B4GALNT3: variants seen among roughly 807,000 people sequenced by gnomAD.
B4GALNT3 encodes beta-1,4-N-acetylgalactosaminyltransferase 3.
Under a neutral mutation model 120.2 loss-of-function variants are expected in B4GALNT3, and 86 were observed. The ratio of observed to expected loss-of-function variants is 0.72; its 90% CI spans 0.60 to 0.86. B4GALNT3 has a LOEUF of 0.86. Among genes scored for constraint, B4GALNT3 ranks in the 40% least tolerant of loss-of-function variants. The pLI is 0.00. For synonymous variants in B4GALNT3, 518 were observed against 510.4 expected (o/e 1.01, Z -0.20); for missense variants, 1,167 against 1,298.9 (o/e 0.90, Z 1.56).
chr12:538,706 A>G (rs1487772221), intron 3 of B4GALNT3, among the ~76,000 whole-genome samples: 2 of 152,142 alleles, frequency 1.3e-5, no homozygotes, highest in Non-Finnish European at 2.9e-5. Context: ...TCAGGGGTTC[A>G]CTGATCCAAT....
chr12:500,790 A>G (rs148019363), intron 1 of B4GALNT3, among the ~76,000 whole-genome samples: 2,876 of 149,626 alleles, frequency 0.019, 37 homozygotes, highest in Middle Eastern at 0.044. Flanking sequence ...TCAGTGCTCA[A>G]TGCCCGTATT....
chr12:502,889 G>A (rs1225415582), intron 1 of B4GALNT3, among the ~76,000 whole-genome samples: 2 of 152,070 alleles, frequency 1.3e-5, no homozygotes, highest in Non-Finnish European at 2.9e-5. Flanking sequence ...GAGTAGCTGG[G>A]ACTACAGGCG....
chr12:505,493 C>G lies in B4GALNT3; in HGVS notation c.170-29673C>G, dbSNP rs181304615. On this transcript the variant is annotated intron_variant, in intron 1 of 19. Coordinates refer to ENST00000266383, the MANE Select transcript of B4GALNT3 (RefSeq NM_173593.4). ...CCCAGCCATTTGAACCCTGATCCAT[C>G]TTGGATTGGAGAATTGCTTTGGAGA... 3.7e-4 allele frequency among the ~76,000 whole-genome samples: 57 copies of G among 152,320 alleles called. No homozygotes were observed. In the Middle Eastern group the frequency reaches 0.01, roughly 27 times the overall value.
intron 1 of B4GALNT3, among the ~76,000 whole-genome samples, chr12:484,202 A>G (rs1312872302): frequency 3.3e-5 from 5 of 152,156 alleles, no homozygotes; most frequent in Non-Finnish European, 7.3e-5. Flanking sequence ...CCCTGCTCTT[A>G]GCATCCTCCA....
At chr12:491,794 G>T (rs1052354546) in intron 1 of B4GALNT3, among the ~76,000 whole-genome samples, 4 of 151,678 alleles carry the variant, frequency 2.6e-5, no homozygotes, top group Non-Finnish European at 4.4e-5. Context: ...GGTGGCTTAC[G>T]CCTGTAATCC....
At chr12:556,074 CA>C (rs1565612057) in intron 14 of B4GALNT3, among the ~76,000 whole-genome samples, 49 of 152,136 alleles carry the variant, frequency 3.2e-4, no homozygotes, top group East Asian at 1.9e-4. Context: ...TGAGCCACTG[CA>C]CCTGGCATTG....
intron 1 of B4GALNT3, among the ~76,000 whole-genome samples, chr12:489,579 T>C (rs911286826): frequency 7.2e-5 from 11 of 152,200 alleles, no homozygotes; most frequent in African/African-American, 1.9e-4. Context: ...AAGACTCATA[T>C]AGATTAAACG....
chr12:466,523 T>C (rs900564027), intron 1 of B4GALNT3, among the ~76,000 whole-genome samples: 3 of 152,226 alleles, frequency 2.0e-5, no homozygotes, highest in Non-Finnish European at 1.5e-5. Flanking sequence ...GACCTTGTGA[T>C]TCACATAATT....
rs202035977 is a variant in B4GALNT3 at position 553,651 on chromosome 12, C to G, written c.1728C>G (p.Asp576Glu). 3 of 1,613,988 alleles carry G rather than the reference C, an allele frequency of 1.9e-6. No individual in the cohort carries two copies. Among genetic ancestry groups the G allele is most frequent in the Non-Finnish European group, 2.5e-6 (3 of 1,179,914 alleles). ...ACATCGCAGAGCAGAGACGGGGTGA[C>G]AGGATGCGGCCTCAGGCCCCTGGAA... is the stretch of plus-strand genomic sequence containing the variant. ...ESYIAEQRRG[D>E]RMRPQAPGRG... The change falls in exon 14 of 20, where the codon GAC becomes GAG. Residue 576 changes from aspartate (D) to glutamate (E), a missense_variant. This residue lies in a region of B4GALNT3 where 983 missense variants were observed against 1,102.5 expected (regional missense o/e 0.89). Coordinates refer to ENST00000266383, the MANE Select transcript of B4GALNT3 (RefSeq NM_173593.4).
Position 550,745 on chromosome 12 carries a change from C to A in B4GALNT3, c.998-177C>A, listed in dbSNP as rs1324732454. Among the ~76,000 whole-genome samples the A allele has an allele frequency of 6.6e-6, 1 of 152,216 alleles. No individual in the cohort carries two copies. Among genetic ancestry groups the A allele is most frequent in the East Asian group, 1.9e-4 (1 of 5,196 alleles). On this transcript the variant is annotated intron_variant, in intron 10 of 19. Transcript: ENST00000266383. The surrounding 1 kb of genome is among the most constrained non-coding windows in gnomAD (Gnocchi z 4.1). ...AGTCCTCTGCTGCCAGGGTGCTCCT[C>A]AAATGGCCCTGCTCCAGGTGCGTGG...
intron 19 of B4GALNT3, among the ~76,000 whole-genome samples, chr12:560,294 A>G (rs752811492): frequency 3.9e-5 from 6 of 152,116 alleles, no homozygotes; most frequent in Non-Finnish European, 7.4e-5. Flanking sequence ...AGACACGCTC[A>G]CTTCTTCCCG....
chr12:557,745 A>T lies in B4GALNT3; in HGVS notation c.2518A>T (p.Arg840Trp). The T allele has an allele frequency of 6.2e-7, 1 of 1,602,206 alleles. No individual in the cohort carries two copies. Among genetic ancestry groups the T allele is most frequent in the Non-Finnish European group, 8.5e-7 (1 of 1,176,570 alleles). Residue 840 changes from arginine (R) to tryptophan (W), a missense_variant, in exon 16 of 20, where the codon AGG (arginine) becomes TGG (tryptophan). Physicochemically the swap from Arg to Trp is moderately radical, Grantham distance 101. Coordinates refer to ENST00000266383, the MANE Select transcript of B4GALNT3 (RefSeq NM_173593.4). ...CATGGATGTTGAGATGGCACTGAAGAGGTCCAAGCTGCGGAGGTGAGGGGG... is the reference window on the plus strand; with the variant it reads ...CATGGATGTTGAGATGGCACTGAAGTGGTCCAAGCTGCGGAGGTGAGGGGG... ...EDMDVEMALK[R>W]SKLRSYQYVK... is the part of the protein sequence containing the mutation.
At chr12:531,347 C>G (rs1256591508) in intron 1 of B4GALNT3, among the ~76,000 whole-genome samples, 1 of 152,154 alleles carries the variant, frequency 6.6e-6, no homozygotes, top group South Asian at 2.1e-4. Context: ...GCTTACTACT[C>G]TGGTCAATAA....
chr12:524,419 T>C (rs1363299698), intron 1 of B4GALNT3, among the ~76,000 whole-genome samples: 1 of 152,196 alleles, frequency 6.6e-6, no homozygotes, highest in African/African-American at 2.4e-5. Flanking sequence ...AAGGGCTTAA[T>C]AAGATCCTTA....
chr12:542,696 A>T (rs1302074204), intron 3 of B4GALNT3, among the ~76,000 whole-genome samples: 1 of 152,166 alleles, frequency 6.6e-6, no homozygotes, highest in African/African-American at 2.4e-5. Flanking sequence ...TGGGGAAGGG[A>T]GCCCTCTGCT....
intron 1 of B4GALNT3, among the ~76,000 whole-genome samples, chr12:483,190 A>G (rs1946258173): frequency 1.3e-5 from 2 of 152,178 alleles, no homozygotes; most frequent in Non-Finnish European, 2.9e-5. Context: ...GATTATGGAC[A>G]TAAGCCAGGA....
chr12:558,764 C>T, intron 18 of B4GALNT3, 103 bp downstream of exon 18: 1 of 1,273,054 alleles, frequency 7.9e-7, no homozygotes, highest in Non-Finnish European at 1.1e-6. Context: ...GCATCCTCCT[C>T]CCCTGCCCCA....
rs1169488988 is a variant in B4GALNT3 at position 558,598 on chromosome 12, A to G, written c.2698A>G (p.Lys900Glu). 6 of 1,614,136 alleles carry G rather than the reference A, an allele frequency of 3.7e-6. No individual in the cohort carries two copies. Among genetic ancestry groups the G allele is most frequent in the Non-Finnish European group, 5.1e-6 (6 of 1,179,994 alleles). Residue 900 changes from lysine to glutamate, a missense_variant, in exon 18 of 20, where the codon AAG becomes GAG. Lys to Glu is a moderately conservative substitution (Grantham distance 56, BLOSUM62 1). Coordinates refer to ENST00000266383, the MANE Select transcript of B4GALNT3 (RefSeq NM_173593.4). ...DAIRKHCVEG[K>E]MAFAPMVMRL... The stretch of plus-strand genomic sequence containing the variant: ...CATTCGGAAGCACTGTGTGGAGGGA[A>G]AGATGGCCTTTGCCCCCATGGTGAT...
intron 1 of B4GALNT3, among the ~76,000 whole-genome samples, chr12:520,566 A>G (rs1203855928): frequency 1.3e-5 from 2 of 152,266 alleles, no homozygotes; most frequent in Non-Finnish European, 2.9e-5. Flanking sequence ...CAGTAGTTTA[A>G]TTGGCCATCA....
Sources: allele counts gnomAD v4.1 joint callset (sites outside exome capture counted in the v4.1 genomes callset), GRCh38; gene constraint gnomAD v4.1.1; regional missense constraint gnomAD v4.1.1; non-coding constraint Gnocchi (gnomAD v3.1); transcripts MANE v1.5; gene names NCBI Gene and HGNC (gene_info 2026-07-23, HGNC 2026-07-21).